Variants in NSUN3 observed in about 807,000 individuals in gnomAD.
NSUN3 encodes tRNA (cytosine(34)-C(5))-methyltransferase, mitochondrial.
A neutral mutation model predicts 36.8 loss-of-function variants in NSUN3; 24 were observed. The observed-to-expected ratio is 0.65, with a 90% confidence interval of 0.47 to 0.92. The LOEUF is 0.92. Ranked by LOEUF, NSUN3 falls within the 40% of genes least tolerant of loss-of-function variation. The probability of loss-of-function intolerance (pLI) is 0.00; values close to 1 mark genes in which losing one functional copy is unlikely to be tolerated. For synonymous variants in NSUN3, 146 were observed against 145.2 expected (o/e 1.01, Z -0.04); for missense variants, 381 against 392.8 (o/e 0.97, Z 0.25).
At chr3:94,116,768 T>G (rs1374135419) in intron 5 of NSUN3, among the ~76,000 whole-genome samples, 1 of 152,170 alleles carries the variant, frequency 6.6e-6, no homozygotes, top group Non-Finnish European at 1.5e-5. Flanking sequence ...GAATTCAGAA[T>G]TTGTTTGGAT....
chr3:94,122,004 G>C (rs190149836), intron 5 of NSUN3, among the ~76,000 whole-genome samples: 200 of 152,092 alleles, frequency 1.3e-3, no homozygotes, highest in African/African-American at 4.6e-3. Flanking sequence ...AATTAGCCAG[G>C]CGTGGTGGCA....
intron 2 of NSUN3, among the ~76,000 whole-genome samples, chr3:94,071,944 A>G (rs1215926990): frequency 1.3e-5 from 2 of 152,104 alleles, no homozygotes; most frequent in Admixed American, 6.5e-5. Context: ...GAGGGGTTGT[A>G]TGTGTGTGTG....
At chr3:94,112,824 A>C (rs557699534) in intron 5 of NSUN3, among the ~76,000 whole-genome samples, 112 of 152,316 alleles carry the variant, frequency 7.4e-4, no homozygotes, top group African/African-American at 2.6e-3. Flanking sequence ...CAAGTTGGAA[A>C]TTCCTTGATC....
At chr3:94,089,464 G>T (rs1297105021) in intron 3 of NSUN3, among the ~76,000 whole-genome samples, 1 of 152,172 alleles carries the variant, frequency 6.6e-6, no homozygotes, top group African/African-American at 2.4e-5. Flanking sequence ...AAAATCTCAG[G>T]AATTAGGCAA....
intron 2 of NSUN3, among the ~76,000 whole-genome samples, chr3:94,067,918 C>A (rs1351283686): frequency 6.6e-6 from 1 of 152,084 alleles, no homozygotes; most frequent in African/African-American, 2.4e-5. Flanking sequence ...TGAGTACAAA[C>A]CTTTGCTCCC....
At chr3:94,096,443 T>C (rs140007822) in intron 5 of NSUN3, among the ~76,000 whole-genome samples, 1 of 152,316 alleles carries the variant, frequency 6.6e-6, no homozygotes, top group Admixed American at 6.5e-5. Flanking sequence ...GACCCTTCTC[T>C]AAATCATTTT....
intron 5 of NSUN3, among the ~76,000 whole-genome samples, chr3:94,105,526 TC>T (rs2077385361): frequency 6.6e-6 from 1 of 152,164 alleles, no homozygotes; most frequent in African/African-American, 2.4e-5. Context: ...TCATTTTTTT[TC>T]CTCCAAAGAT....
chr3:94,097,389 T>C (rs2077346788), intron 5 of NSUN3, among the ~76,000 whole-genome samples: 1 of 152,162 alleles, frequency 6.6e-6, no homozygotes, highest in South Asian at 2.1e-4. Context: ...CAAATATTTC[T>C]TAAGTCTTTT....
At position 94,126,647 on chromosome 3, in the gene NSUN3, G is replaced by T; in HGVS notation, c.*157G>T. On this transcript the variant is annotated 3_prime_UTR_variant, in exon 6 of 6. Coordinates refer to ENST00000314622, the MANE Select transcript of NSUN3 (RefSeq NM_022072.5). ...ATCTTAGAATCTAGGCTTGAGAATT[G>T]TTCAGGTGTATTTTTTTCCTAGAAA... The T allele has an allele frequency of 1.6e-6, 1 of 636,058 alleles. No homozygotes were observed. Among genetic ancestry groups the T allele is most frequent in the South Asian group, 2.5e-5 (1 of 39,512 alleles). The allele number at this position is 636,058 out of a possible 1,614,324, so 39.4% of individuals were successfully genotyped here.
intron 5 of NSUN3, among the ~76,000 whole-genome samples, chr3:94,110,549 T>G (rs2077411871): frequency 1.3e-5 from 2 of 152,218 alleles, no homozygotes; most frequent in South Asian, 4.1e-4. Context: ...CTTTCTCTCA[T>G]TAACATACAC....
chr3:94,110,697 AG>A (rs1318658454), intron 5 of NSUN3, among the ~76,000 whole-genome samples: 1 of 152,072 alleles, frequency 6.6e-6, no homozygotes, highest in Non-Finnish European at 1.5e-5. Flanking sequence ...TGACTATATT[AG>A]AGTTCTCCAG....
intron 5 of NSUN3, among the ~76,000 whole-genome samples, chr3:94,102,098 CTTAGA>C (rs1378972176): frequency 6.7e-6 from 1 of 148,616 alleles, no homozygotes; most frequent in Non-Finnish European, 1.5e-5. Flanking sequence ...AAAAAGGAAG[CTTAGA>C]TTATTCGGTA....
chr3:94,097,363 CTT>C (rs879329030), intron 5 of NSUN3, among the ~76,000 whole-genome samples: 3 of 143,182 alleles, frequency 2.1e-5, no homozygotes, highest in Admixed American at 1.4e-4. Context: ...GTTACATGGT[CTT>C]TTTTTTTTTT....
chr3:94,127,532 A>G lies in NSUN3; in HGVS notation c.*1042A>G, dbSNP rs2077492510. 1 of 152,160 alleles carries G rather than the reference A, an allele frequency of 6.6e-6. No individual in the cohort carries two copies. Among genetic ancestry groups the G allele is most frequent in the African/African-American group, 2.4e-5 (1 of 41,438 alleles). 9.4% of individuals were successfully genotyped at this position (152,160 alleles called of 1,614,324 possible). ...CATAAATCCTGGGAATACTGTATACATTTCTTCTTATGTACTTAGGGTTTT... is the reference window on the plus strand; with the variant it reads ...CATAAATCCTGGGAATACTGTATACGTTTCTTCTTATGTACTTAGGGTTTT... On this transcript the variant is annotated 3_prime_UTR_variant, in exon 6 of 6. Transcript: ENST00000314622.
intron 3 of NSUN3, among the ~76,000 whole-genome samples, chr3:94,091,843 G>A (rs1227273099): frequency 6.6e-6 from 1 of 152,220 alleles, no homozygotes; most frequent in Non-Finnish European, 1.5e-5. Flanking sequence ...TGTGGACCCA[G>A]CTTATGCATC....
At chr3:94,083,105 CTTTT>C (rs35424977) in intron 2 of NSUN3, among the ~76,000 whole-genome samples, 12 of 132,076 alleles carry the variant, frequency 9.1e-5, no homozygotes, top group Admixed American at 4.6e-4. Context: ...GGCAGGCTGC[CTTTT>C]TTTTTTTTTT....
chr3:94,069,320 G>A (rs1449077721), intron 2 of NSUN3, among the ~76,000 whole-genome samples: 1 of 152,208 alleles, frequency 6.6e-6, no homozygotes, highest in East Asian at 1.9e-4. Context: ...TAGCATCTCT[G>A]AGGAGTAAAA....
chr3:94,116,262 A>G (rs925305861), intron 5 of NSUN3, among the ~76,000 whole-genome samples: 7 of 152,136 alleles, frequency 4.6e-5, no homozygotes, highest in Admixed American at 1.3e-4. Flanking sequence ...GCATGATTCT[A>G]TTTCCCTCTA....
intron 5 of NSUN3, among the ~76,000 whole-genome samples, chr3:94,115,572 GT>G (rs1661732982): frequency 6.6e-6 from 1 of 152,132 alleles, no homozygotes; most frequent in Admixed American, 6.5e-5. Flanking sequence ...CTTCAAACTT[GT>G]TTTAGCGATG....
Sources: allele counts gnomAD v4.1 joint callset (sites outside exome capture counted in the v4.1 genomes callset), GRCh38; gene constraint gnomAD v4.1.1; transcripts MANE v1.5; gene names NCBI Gene and HGNC (gene_info 2026-07-23, HGNC 2026-07-21).